Variants in ASPRV1 observed in about 807,000 individuals in gnomAD.
ASPRV1 encodes retroviral-like aspartic protease 1.
Under a neutral mutation model 11.0 loss-of-function variants are expected in ASPRV1, and 7 were observed. The observed-to-expected ratio is 0.64, with a 90% CI of 0.36 to 1.20. The LOEUF (loss-of-function observed/expected upper bound fraction) is 1.20. Among genes scored for constraint, ASPRV1 ranks in the 50% most tolerant of loss-of-function variants. The pLI is 0.02. For synonymous variants in ASPRV1, 136 were observed against 138.4 expected (o/e 0.98, Z 0.12); for missense variants, 299 against 320.0 (o/e 0.93, Z 0.50).
chr2:70,041,850 G>A, the ASPRV1 span, among the ~76,000 whole-genome samples: 1 of 152,182 alleles, frequency 6.6e-6, no homozygotes, highest in Non-Finnish European at 1.5e-5. Context: ...GTGGAAGAAA[G>A]AATGCAGAAT....
At chr2:69,983,280 T>C in the ASPRV1 span, among the ~76,000 whole-genome samples, 4 of 152,240 alleles carry the variant, frequency 2.6e-5, no homozygotes, top group African/African-American at 9.6e-5. Flanking sequence ...GCTCAAGTTC[T>C]AGTGGCCTCC....
At chr2:70,065,748 C>A in the ASPRV1 span, among the ~76,000 whole-genome samples, 6 of 146,660 alleles carry the variant, frequency 4.1e-5, no homozygotes, top group Admixed American at 6.8e-5. Flanking sequence ...TCCCTTGAGC[C>A]CAGAGCGGTA....
chr2:70,065,921 A>G, the ASPRV1 span, among the ~76,000 whole-genome samples: 1 of 151,664 alleles, frequency 6.6e-6, no homozygotes, highest in African/African-American at 2.4e-5. Context: ...TAAAAGCTCA[A>G]TGGAGGCTGG....
chr2:70,084,231 A>G, the ASPRV1 span, among the ~76,000 whole-genome samples: 1 of 152,224 alleles, frequency 6.6e-6, no homozygotes, highest in African/African-American at 2.4e-5. Flanking sequence ...CTCTAGAGAA[A>G]AGAAATAAGT....
the ASPRV1 span, chr2:69,993,733 A>C: frequency 6.6e-6 from 1 of 152,248 alleles, no homozygotes; most frequent in Non-Finnish European, 1.5e-5. Context: ...TTTCCCACTG[A>C]AGTGGTCATC....
chr2:70,071,153 TCA>T, the ASPRV1 span, among the ~76,000 whole-genome samples: 8 of 152,298 alleles, frequency 5.3e-5, no homozygotes, highest in Non-Finnish European at 1.0e-4. Context: ...CCCTCCAAAC[TCA>T]CAGACAATTG....
the ASPRV1 span, among the ~76,000 whole-genome samples, chr2:69,985,013 C>T: frequency 1.1e-4 from 17 of 152,088 alleles, no homozygotes; most frequent in Admixed American, 2.0e-4. Flanking sequence ...CCCACCACCA[C>T]GCCCAGCTAA....
chr2:69,968,994 A>G, the ASPRV1 span, among the ~76,000 whole-genome samples: 15 of 152,324 alleles, frequency 9.8e-5, no homozygotes, highest in South Asian at 2.7e-3. Context: ...ATTAGCACTC[A>G]TGAGACTTTC....
chr2:70,027,141 C>A, the ASPRV1 span, among the ~76,000 whole-genome samples: 1 of 149,880 alleles, frequency 6.7e-6, no homozygotes. Flanking sequence ...ACCTGTAGTC[C>A]CAGCTACGCA....
At chr2:70,037,587 C>T in the ASPRV1 span, among the ~76,000 whole-genome samples, 1 of 152,104 alleles carries the variant, frequency 6.6e-6, no homozygotes, top group African/African-American at 2.4e-5. Context: ...CTTTGTTAGT[C>T]ACATTTGAAT....
the ASPRV1 span, among the ~76,000 whole-genome samples, chr2:70,044,839 G>A: frequency 6.6e-6 from 1 of 152,136 alleles, no homozygotes. Flanking sequence ...CATGCAGTGA[G>A]GATACACCAC....
rs1400878909 is a variant in ASPRV1, at chr2:69,961,341, C to T, written c.96G>A (p.Trp32Ter). 6.8e-6 allele frequency: 11 copies of T among 1,614,090 alleles called. No homozygotes were observed. Among genetic ancestry groups the T allele is most frequent in the Non-Finnish European group, 8.5e-6 (10 of 1,180,024 alleles). The change falls in exon 1 of 1, where the codon TGG becomes TGA. Residue 32 changes from tryptophan to a stop codon, truncating the protein, a stop_gained. Transcript: ENST00000320256. LOFTEE classifies it high-confidence loss of function. Reference sequence around the variant, plus strand: ...CATTGATGACTTCAAAGCTGTGCAGCCAGAGGTTTGGGACGACATTGGCCC... The same window carrying T: ...CATTGATGACTTCAAAGCTGTGCAGTCAGAGGTTTGGGACGACATTGGCCC... ...FDGANVVPNL[W>*]LHSFEVINDL...
chr2:69,963,986 T>C (rs1319260039), upstream of ASPRV1, among the ~76,000 whole-genome samples: 3 of 152,282 alleles, frequency 2.0e-5, no homozygotes, highest in East Asian at 5.8e-4. Context: ...GTTAAACCAA[T>C]TGGTACTTGA....
chr2:70,087,330 T>G, the ASPRV1 span: 36 of 148,042 alleles, frequency 2.4e-4, no homozygotes, highest in Middle Eastern at 3.5e-3. Flanking sequence ...TGTCAGAAGG[T>G]TTTTTTTTTA....
At chr2:69,946,327 C>T in the ASPRV1 span, among the ~76,000 whole-genome samples, 4 of 152,236 alleles carry the variant, frequency 2.6e-5, no homozygotes, top group South Asian at 2.1e-4. Flanking sequence ...GTGATGGTCA[C>T]GTGCACAGAC....
the ASPRV1 span, among the ~76,000 whole-genome samples, chr2:69,997,743 T>C: frequency 1.3e-5 from 2 of 152,192 alleles, no homozygotes; most frequent in African/African-American, 4.8e-5. Flanking sequence ...GCATTTAAAA[T>C]CTAGATCCTG....
At chr2:70,037,062 G>T in the ASPRV1 span, among the ~76,000 whole-genome samples, 1 of 152,280 alleles carries the variant, frequency 6.6e-6, no homozygotes. Flanking sequence ...TTCTACTTTA[G>T]AAGTAATTTT....
upstream of ASPRV1, chr2:69,962,367 C>G (rs1337031081): frequency 6.5e-6 from 1 of 154,400 alleles, no homozygotes; most frequent in African/African-American, 2.4e-5. Flanking sequence ...TGTCTCCACC[C>G]TATCCACCCC....
At chr2:69,959,885 G>A (rs1438612659), downstream of ASPRV1, among the ~76,000 whole-genome samples, 1 of 152,144 alleles carries the variant, frequency 6.6e-6, no homozygotes, top group African/African-American at 2.4e-5. Flanking sequence ...GAATTATGAC[G>A]ATTCAAAATA....
Sources: allele counts gnomAD v4.1 joint callset (sites outside exome capture counted in the v4.1 genomes callset), GRCh38; gene constraint gnomAD v4.1.1; transcripts MANE v1.5; gene names NCBI Gene and HGNC (gene_info 2026-07-23, HGNC 2026-07-21).